Variants in DNAH9 observed in about 807,000 individuals in gnomAD.
DNAH9 encodes the protein DNAH9 variant protein.
DNAH9 carries 345 observed loss-of-function variants against 471.6 expected under a neutral mutation model. The observed-to-expected ratio is 0.73, with a 90% CI of 0.67 to 0.80. The LOEUF (loss-of-function observed/expected upper bound fraction) is 0.80, where lower values mean the gene tolerates loss of function less well. Among genes scored for constraint, DNAH9 ranks in the 30% least tolerant of loss-of-function variants. The probability of loss-of-function intolerance (pLI) is 0.00; values close to 1 mark genes in which losing one functional copy is unlikely to be tolerated. For missense variants in DNAH9, 5,407 were observed against 5,609.2 expected (o/e 0.96, Z 1.15); for synonymous variants, 2,093 against 2,123.6 (o/e 0.99, Z 0.40).
Position 11,810,726 on chromosome 17 carries a change from C to G in DNAH9, c.8707+357C>G, listed in dbSNP as rs1969863387. ...AAGAGAAACTAGAATGTGTGTAGTA[C>G]TTGAGGAAGCTCAGGCATTGGCAGG... On this transcript the variant is annotated intron_variant, in intron 45 of 68. Transcript: ENST00000262442. Among the ~76,000 whole-genome samples the G allele has an allele frequency of 2.0e-5, 3 of 152,158 alleles. No individual in the cohort carries two copies. The South Asian group carries it at 6.2e-4, about 31-fold the overall frequency.
At chr17:11,889,648 C>A (rs1972989673) in intron 57 of DNAH9, among the ~76,000 whole-genome samples, 1 of 152,234 alleles carries the variant, frequency 6.6e-6, no homozygotes, top group Non-Finnish European at 1.5e-5. Context: ...AGGACATAGT[C>A]ATCCATCCAA....
rs2072971968 is a variant in DNAH9 at position 11,626,442 on chromosome 17, G to A, written c.1351-2975G>A. Among the ~76,000 whole-genome samples the A allele has an allele frequency of 6.6e-6, 1 of 152,152 alleles. No individual in the cohort carries two copies. The highest frequency in any genetic ancestry group is 6.5e-5 in the Admixed American group (1 of 15,284). ...GTAAGACAATTTCCTAGCTGCTTCA[G>A]AAATCTTTTCTGCTATGCCTCCAAC... is the stretch of plus-strand genomic sequence containing the variant. On this transcript the variant is annotated intron_variant, in intron 6 of 68. Coordinates refer to ENST00000262442, the MANE Select transcript of DNAH9 (RefSeq NM_001372.4). This position sits in a 1 kb window ranked among gnomAD's most constrained non-coding sequence, Gnocchi z 4.3.
chr17:11,698,185 T>TATTAATTATATAC (rs2074515637), intron 22 of DNAH9, among the ~76,000 whole-genome samples: 1 of 124,820 alleles, frequency 8.0e-6, no homozygotes, highest in African/African-American at 3.4e-5. Flanking sequence ...TATATTATTA[T>TATTAATTATATAC]ATTAATATAA....
At chr17:11,727,648 C>A (rs1376003012) in intron 27 of DNAH9, among the ~76,000 whole-genome samples, 170 bp from the exon 28 acceptor site, 1 of 152,204 alleles carries the variant, frequency 6.6e-6, no homozygotes, top group Non-Finnish European at 1.5e-5. Flanking sequence ...TCTGTTGACA[C>A]CCCATAACCA....
intron 2 of DNAH9, 40 bp downstream of exon 2, chr17:11,608,365 T>G: frequency 7.1e-7 from 1 of 1,414,662 alleles, no homozygotes; most frequent in Non-Finnish European, 9.7e-7. Context: ...CTCTGAGATA[T>G]GGGAGATGCT....
At chr17:11,627,513 A>G (rs1050768104) in intron 6 of DNAH9, among the ~76,000 whole-genome samples, 4 of 152,228 alleles carry the variant, frequency 2.6e-5, no homozygotes, top group Non-Finnish European at 5.9e-5. Context: ...CTGTCCCTAT[A>G]AAACAGATTA....
chr17:11,700,086 A>G (rs1198689484), intron 23 of DNAH9, among the ~76,000 whole-genome samples: 3 of 152,198 alleles, frequency 2.0e-5, no homozygotes, highest in Non-Finnish European at 4.4e-5. Context: ...GGAAGGACAC[A>G]TGTCAACATT....
intron 26 of DNAH9, among the ~76,000 whole-genome samples, chr17:11,711,881 T>C (rs1286658890): frequency 1.7e-4 from 2 of 12,102 alleles, no homozygotes; most frequent in Admixed American, 2.2e-3. Flanking sequence ...TATTTGTATA[T>C]ATATTTATAT....
At chr17:11,775,595 CTTTTTT>C (rs71142246) in intron 38 of DNAH9, among the ~76,000 whole-genome samples, 7 of 61,000 alleles carry the variant, frequency 1.1e-4, no homozygotes, top group Admixed American at 3.6e-4. Flanking sequence ...ATCAGATGTT[CTTTTTT>C]TTTTTTTTTT....
intron 33 of DNAH9, among the ~76,000 whole-genome samples, chr17:11,753,757 C>T (rs12940977): frequency 0.43 from 65,463 of 152,026 alleles, 14,253 homozygotes; most frequent in East Asian, 0.51. Flanking sequence ...ATGCCTTTAA[C>T]GTTTACAGGA....
intron 43 of DNAH9, among the ~76,000 whole-genome samples, chr17:11,798,800 T>TAA (rs1003930441): frequency 3.3e-5 from 5 of 152,254 alleles, no homozygotes; most frequent in African/African-American, 1.2e-4. Flanking sequence ...GGAGGAAAGC[T>TAA]GTTTTTTCTT....
rs1009997830 is a variant in DNAH9, at chr17:11,669,848, T to C, written c.3353+54T>C. The C allele has an allele frequency of 1.0e-4, 147 of 1,451,832 alleles. 1 individual carries two copies. Among genetic ancestry groups the C allele is most frequent in the Admixed American group, 4.5e-4 (24 of 52,772 alleles). The allele number at this position is 1,451,832 out of a possible 1,614,324, so 89.9% of individuals were successfully genotyped here. A position where few individuals can be genotyped will look rare whatever the true frequency, so the allele number is the denominator to read the frequency against. On this transcript the variant is annotated intron_variant, in intron 17 of 68. Coordinates refer to ENST00000262442, the MANE Select transcript of DNAH9 (RefSeq NM_001372.4). The stretch of plus-strand genomic sequence containing the variant: ...GCATGCTAGGCTGTGAGGAACACCA[T>C]GTTTTTAAACCTTTTTTATATTTTT...
chr17:11,853,866 A>G, intron 49 of DNAH9, 137 bp from the exon 50 acceptor site: 1 of 778,056 alleles, frequency 1.3e-6, no homozygotes, highest in Non-Finnish European at 2.0e-6. Flanking sequence ...GAGTCATGAT[A>G]TTTAAAATTC....
At chr17:11,860,332 T>C (rs922997209) in intron 50 of DNAH9, among the ~76,000 whole-genome samples, 2 of 152,242 alleles carry the variant, frequency 1.3e-5, no homozygotes, top group African/African-American at 2.4e-5. Context: ...TTTGTCCTTC[T>C]TTGCTGCCAC....
At chr17:11,931,491 G>C (rs933628923) in intron 63 of DNAH9, among the ~76,000 whole-genome samples, 4 of 152,188 alleles carry the variant, frequency 2.6e-5, no homozygotes, top group Non-Finnish European at 5.9e-5. Context: ...TTGTAGTGTA[G>C]GAGTCCAGCA....
At position 11,762,770 on chromosome 17, in the gene DNAH9, G is replaced by GTTGTTGTT. The variant is rs1967746481; in HGVS notation, c.6996-668_6996-667insGTTGTTTT. 1.9e-3 allele frequency among the ~76,000 whole-genome samples: 176 copies of GTTGTTGTT among 90,770 alleles called. 3 individuals are homozygous for GTTGTTGTT. Among genetic ancestry groups the GTTGTTGTT allele is most frequent in the Non-Finnish European group, 3.1e-3 (141 of 45,756 alleles). The allele number at this position is 90,770 out of a possible 152,430, so 59.5% of individuals were successfully genotyped here. A position where few individuals can be genotyped will look rare whatever the true frequency, so the allele number is the denominator to read the frequency against. On this transcript the variant is annotated intron_variant, in intron 35 of 68. Transcript: ENST00000262442. ...CCTCTTTAGGTGCGTTTTTTTTTTT[G>GTTGTTGTT]TTTTTTTTTTTTTTTTTTTTTTTTT...
At chr17:11,836,652 C>A (rs1286458923) in intron 49 of DNAH9, among the ~76,000 whole-genome samples, 5 of 152,140 alleles carry the variant, frequency 3.3e-5, no homozygotes, top group Admixed American at 1.3e-4. Flanking sequence ...TGTACCCACC[C>A]CCTTCCTCAT....
rs1327351382 is a variant in DNAH9, at chr17:11,629,467, C to T, written c.1401C>T (p.Phe467=). 9 of 1,614,014 alleles carry T rather than the reference C, an allele frequency of 5.6e-6. No individual in the cohort carries two copies. Among genetic ancestry groups the T allele is most frequent in the East Asian group, 2.2e-5 (1 of 44,896 alleles). ...LDFHKLGKVE[F]SGVRGNALSQ... ...TCCACAAACTGGGAAAGGTGGAGTT[C>T]AGCGGCGTCAGAGGGAATGCTCTGA... Residue 467 remains phenylalanine (F), a synonymous_variant, in exon 7 of 69, where the codon TTC becomes TTT. Transcript: ENST00000262442.
At chr17:11,968,186 T>C (rs1976898887) in intron 68 of DNAH9, among the ~76,000 whole-genome samples, 1 of 152,186 alleles carries the variant, frequency 6.6e-6, no homozygotes, top group Non-Finnish European at 1.5e-5. Flanking sequence ...AGGATTGGTT[T>C]TACAGTATGT....
Sources: allele counts gnomAD v4.1 joint callset (sites outside exome capture counted in the v4.1 genomes callset), GRCh38; gene constraint gnomAD v4.1.1; non-coding constraint Gnocchi (gnomAD v3.1); transcripts MANE v1.5; gene names NCBI Gene and HGNC (gene_info 2026-07-23, HGNC 2026-07-21).